PRKAR2B: variants seen among roughly 807,000 people sequenced by gnomAD.
PRKAR2B encodes cAMP-dependent protein kinase type II-beta regulatory subunit.
PRKAR2B carries 14 observed loss-of-function variants against 49.9 expected under a neutral mutation model. The observed-to-expected ratio is 0.28, with a 90% CI of 0.19 to 0.44. The LOEUF (loss-of-function observed/expected upper bound fraction) is 0.44, where lower values mean the gene tolerates loss of function less well. Ranked by LOEUF, PRKAR2B falls within the 20% of genes least tolerant of loss-of-function variation. The probability of loss-of-function intolerance (pLI) is 1.00; values close to 1 mark genes in which losing one functional copy is unlikely to be tolerated. For synonymous variants in PRKAR2B, 196 were observed against 197.7 expected, an observed-to-expected ratio of 0.99 and a Z score of 0.07; for missense variants, 393 against 537.9, an observed-to-expected ratio of 0.73 and a Z score of 2.67.
At chr7:107,116,831 A>G (rs903718870) in intron 2 of PRKAR2B, among the ~76,000 whole-genome samples, 1 of 150,808 alleles carries the variant, frequency 6.6e-6, no homozygotes, top group African/African-American at 2.4e-5. Context: ...TTAACTTGTC[A>G]TTGTGCCTCT....
At chr7:107,144,872 G>T (rs963665280) in intron 5 of PRKAR2B, among the ~76,000 whole-genome samples, 20 of 125,950 alleles carry the variant, frequency 1.6e-4, no homozygotes, top group Non-Finnish European at 4.8e-5. Context: ...TAAAGCCAAA[G>T]AATTTTTTCT....
chr7:107,113,659 C>T (rs991416713), intron 2 of PRKAR2B, among the ~76,000 whole-genome samples: 6 of 152,106 alleles, frequency 3.9e-5, no homozygotes, highest in Non-Finnish European at 7.4e-5. Context: ...ATTCTTCTCG[C>T]TCTTTTTATT....
chr7:107,110,331 G>A (rs2116823327), intron 2 of PRKAR2B, among the ~76,000 whole-genome samples: 1 of 152,184 alleles, frequency 6.6e-6, no homozygotes, highest in Admixed American at 6.5e-5. Flanking sequence ...TTGAAAAACA[G>A]TCTAGGCCAC....
At chr7:107,155,291 G>A (rs1002274268) in intron 8 of PRKAR2B, among the ~76,000 whole-genome samples, 2 of 152,142 alleles carry the variant, frequency 1.3e-5, no homozygotes, top group African/African-American at 4.8e-5. Flanking sequence ...AGTGGCTCAC[G>A]CCTGTAATCC....
Position 107,157,348 on chromosome 7 carries a change from G to A in PRKAR2B, c.1123+24G>A, listed in dbSNP as rs186901728. The A allele has an allele frequency of 3.7e-4, 586 of 1,596,752 alleles. 4 individuals carry two copies. The African/African-American group carries it at 7.2e-3, about 20-fold the overall frequency. ...AGGTAGGGATTGCAACAGTGGGCGT[G>A]CTTCTGCTGGTTGAACTTATGTCTG... On this transcript the variant is annotated intron_variant, in intron 10 of 10. Transcript: ENST00000265717.
chr7:107,052,140 G>A (rs948071089), intron 1 of PRKAR2B, among the ~76,000 whole-genome samples: 13 of 152,038 alleles, frequency 8.6e-5, no homozygotes, highest in African/African-American at 2.7e-4. Flanking sequence ...CTTTTAGGCC[G>A]GGCACGGTGG....
intron 2 of PRKAR2B, among the ~76,000 whole-genome samples, chr7:107,118,074 G>A (rs992491973): frequency 3.9e-5 from 6 of 152,192 alleles, no homozygotes; most frequent in Admixed American, 2.0e-4. Context: ...GAGGCATGGG[G>A]CAAATATGTT....
intron 1 of PRKAR2B, among the ~76,000 whole-genome samples, chr7:107,065,607 A>C (rs1281625257): frequency 6.6e-6 from 1 of 152,164 alleles, no homozygotes; most frequent in Non-Finnish European, 1.5e-5. Context: ...TTGAAAATAC[A>C]ACTAGACTTA....
At chr7:107,064,433 G>A (rs1235149529) in intron 1 of PRKAR2B, among the ~76,000 whole-genome samples, 1 of 152,150 alleles carries the variant, frequency 6.6e-6, no homozygotes, top group East Asian at 1.9e-4. Context: ...ACCTCCAGCC[G>A]TAATCCACGT....
chr7:107,152,945 C>T (rs1272654168), intron 7 of PRKAR2B, among the ~76,000 whole-genome samples: 1 of 152,102 alleles, frequency 6.6e-6, no homozygotes, highest in Admixed American at 6.5e-5. Context: ...TTTATTGTTG[C>T]CATGTGGAAA....
chr7:107,111,714 A>G (rs1795175822), intron 2 of PRKAR2B, among the ~76,000 whole-genome samples: 1 of 152,042 alleles, frequency 6.6e-6, no homozygotes, highest in Admixed American at 6.6e-5. Context: ...CTCTTTTTAA[A>G]CTGTCATTTA....
chr7:107,047,579 A>T (rs1793723553), intron 1 of PRKAR2B, among the ~76,000 whole-genome samples: 1 of 152,028 alleles, frequency 6.6e-6, no homozygotes, highest in Non-Finnish European at 1.5e-5. Flanking sequence ...AAAAAACAGG[A>T]GTGATCCTAA....
intron 1 of PRKAR2B, among the ~76,000 whole-genome samples, chr7:107,046,810 A>C (rs926891148): frequency 6.6e-6 from 1 of 150,972 alleles, no homozygotes; most frequent in Non-Finnish European, 1.5e-5. Context: ...AAAACTAGGA[A>C]CTAAGGGGCT....
chr7:107,067,337 G>A (rs1794171554), intron 1 of PRKAR2B: 1 of 152,146 alleles, frequency 6.6e-6, no homozygotes, highest in Non-Finnish European at 1.5e-5. Flanking sequence ...CCTGCAAGTG[G>A]AAATGGAGGG....
rs1796176268 is a variant in PRKAR2B, at chr7:107,160,342, A to G, written c.*760A>G. ...TTTATTTTGCAATTCTCTGTATTCTATGTCTTTAAAAATTTGATCTTGACA... is the reference window on the plus strand; with the variant it reads ...TTTATTTTGCAATTCTCTGTATTCTGTGTCTTTAAAAATTTGATCTTGACA... On this transcript the variant is annotated 3_prime_UTR_variant, in exon 11 of 11. Coordinates refer to ENST00000265717, the MANE Select transcript of PRKAR2B (RefSeq NM_002736.3). The G allele has an allele frequency of 6.6e-6, 1 of 152,098 alleles. No individual in the cohort carries two copies. Among genetic ancestry groups the G allele is most frequent in the East Asian group, 1.9e-4 (1 of 5,172 alleles). 9.4% of individuals were successfully genotyped at this position (152,098 alleles called of 1,614,324 possible).
intron 2 of PRKAR2B, among the ~76,000 whole-genome samples, chr7:107,115,591 C>G (rs1226037321): frequency 6.6e-6 from 1 of 152,084 alleles, no homozygotes; most frequent in African/African-American, 2.4e-5. Context: ...TTATGAACTT[C>G]CCACCTATTT....
intron 1 of PRKAR2B, among the ~76,000 whole-genome samples, chr7:107,068,256 G>T (rs758369670): frequency 6.6e-6 from 1 of 152,072 alleles, no homozygotes; most frequent in African/African-American, 2.4e-5. Flanking sequence ...TGGCTTCATC[G>T]TCTAAAGAGG....
In PRKAR2B at chr7:107,160,825, A is replaced by G. The variant is rs1409492897; in HGVS notation, c.*1243A>G. The stretch of plus-strand genomic sequence containing the variant: ...AAGAACTCAGATGTACTAGATTTTC[A>G]TTGTTCATTGATATGCTCAGTATGC... On this transcript the variant is annotated 3_prime_UTR_variant, in exon 11 of 11. Coordinates refer to ENST00000265717, the MANE Select transcript of PRKAR2B (RefSeq NM_002736.3). 1 of 152,170 alleles carries G rather than the reference A, an allele frequency of 6.6e-6. No individual in the cohort carries two copies. Among genetic ancestry groups the G allele is most frequent in the Non-Finnish European group, 1.5e-5 (1 of 68,012 alleles). The allele number at this position is 152,170 out of a possible 1,614,324, so 9.4% of individuals were successfully genotyped here.
At chr7:107,158,207 G>A (rs554000837) in intron 10 of PRKAR2B, among the ~76,000 whole-genome samples, 26 of 151,996 alleles carry the variant, frequency 1.7e-4, no homozygotes, top group African/African-American at 5.8e-4. Flanking sequence ...AAATAGTAAA[G>A]GTGAGTGAGT....
Sources: allele counts gnomAD v4.1 joint callset (sites outside exome capture counted in the v4.1 genomes callset), GRCh38; gene constraint gnomAD v4.1.1; transcripts MANE v1.5; gene names NCBI Gene and HGNC (gene_info 2026-07-23, HGNC 2026-07-21).